GLI3: variants seen among roughly 807,000 people sequenced by gnomAD.
The protein encoded by GLI3 is transcription activator GLI3.
A neutral mutation model predicts 100.8 loss-of-function variants in GLI3; 20 were observed. The ratio of observed to expected loss-of-function variants is 0.20; its 90% CI spans 0.14 to 0.29. The LOEUF (loss-of-function observed/expected upper bound fraction) is 0.29. Among genes scored for constraint, GLI3 ranks in the 10% least tolerant of loss-of-function variants. The probability of loss-of-function intolerance (pLI) is 1.00; values close to 1 mark genes in which losing one functional copy is unlikely to be tolerated. For synonymous variants in GLI3, 938 were observed against 860.5 expected, an observed-to-expected ratio of 1.09 and a Z score of -1.58; for missense variants, 2,040 against 2,128.5, an observed-to-expected ratio of 0.96 and a Z score of 0.82.
chr7:42,206,310 T>A (rs1418692873), intron 2 of GLI3, among the ~76,000 whole-genome samples: 1 of 151,432 alleles, frequency 6.6e-6, no homozygotes, highest in Non-Finnish European at 1.5e-5. Flanking sequence ...TAATAATAAA[T>A]TCTAAAGGGA....
intron 4 of GLI3, among the ~76,000 whole-genome samples, chr7:42,069,409 C>G (rs1281077291): frequency 6.6e-6 from 1 of 152,158 alleles, no homozygotes; most frequent in Non-Finnish European, 1.5e-5. Context: ...GGAATTGAAA[C>G]TCAACCATCT....
At chr7:42,123,987 T>A (rs1000503219) in intron 3 of GLI3, among the ~76,000 whole-genome samples, 1 of 152,226 alleles carries the variant, frequency 6.6e-6, no homozygotes, top group Middle Eastern at 3.2e-3. Flanking sequence ...AGAGTCACCT[T>A]CAGAGGCAAG....
intron 3 of GLI3, among the ~76,000 whole-genome samples, chr7:42,078,842 G>A (rs1252201558): frequency 1.4e-5 from 2 of 147,454 alleles, no homozygotes; most frequent in South Asian, 2.2e-4. Context: ...CCATTCTCCT[G>A]CCTCAGCCTC....
rs372384505 is a variant in GLI3 at position 41,996,895 on chromosome 7, C to T, written c.1498-18147G>A. ...CATCTTGTTCTGATTTGATTTGATG[C>T]ATCTGTATGTGGCAAGTGTGGTAAA... is the stretch of plus-strand genomic sequence containing the variant. On this transcript the variant is annotated intron_variant, in intron 10 of 14. Coordinates refer to ENST00000395925, the MANE Select transcript of GLI3 (RefSeq NM_000168.6). 1.9e-4 allele frequency among the ~76,000 whole-genome samples: 29 copies of T among 152,258 alleles called. No individual in the cohort carries two copies. In the South Asian group the frequency reaches 4.8e-3, roughly 25 times the overall value.
chr7:42,092,997 A>G (rs888607534), intron 3 of GLI3, among the ~76,000 whole-genome samples: 93 of 151,796 alleles, frequency 6.1e-4, no homozygotes, highest in Non-Finnish European at 7.4e-4. Context: ...CATTTTTACC[A>G]GAGACGAGGT....
chr7:42,031,684 T>C (rs1789300479), intron 7 of GLI3, among the ~76,000 whole-genome samples: 1 of 152,138 alleles, frequency 6.6e-6, no homozygotes, highest in Admixed American at 6.5e-5. Context: ...AGGAGAAAAA[T>C]GTGGTTGTTA....
chr7:41,966,485 C>A lies in GLI3; in HGVS notation c.2588G>T (p.Arg863Leu). ...TISSAYLSSRRSSGISPCFSS... is the reference protein window; with the variant it reads ...TISSAYLSSRLSSGISPCFSS... ...GAAGCAGGGCGAGATCCCTGAGGAGCGGCGGCTGCTCAGGTAGGCCGAGCT... is the reference window on the plus strand; with the variant it reads ...GAAGCAGGGCGAGATCCCTGAGGAGAGGCGGCTGCTCAGGTAGGCCGAGCT... The change falls in exon 15 of 15, where the codon CGC becomes CTC. Residue 863 changes from arginine (R) to leucine (L), a missense_variant. Arg to Leu is a moderately radical substitution (Grantham distance 102). Coordinates refer to ENST00000395925, the MANE Select transcript of GLI3 (RefSeq NM_000168.6). This position sits in a 1 kb window ranked among gnomAD's most constrained non-coding sequence, Gnocchi z 5.8. The A allele has an allele frequency of 1.2e-6, 2 of 1,612,820 alleles. No individual in the cohort carries two copies. The highest frequency in any genetic ancestry group is 1.3e-5 in the African/African-American group (1 of 75,028).
chr7:42,121,210 G>A (rs1307417206), intron 3 of GLI3, among the ~76,000 whole-genome samples: 1 of 152,130 alleles, frequency 6.6e-6, no homozygotes, highest in African/African-American at 2.4e-5. Flanking sequence ...TTAACACAAT[G>A]GTCTCAAACT....
rs756174527 is a variant in GLI3, at chr7:42,025,382, T to C, written c.1243-5A>G. ...AGACTCACTCGTGGGCTTGTTCTGC[T>C]GGTCACATTTGCAGAGCCAGAGACA... On this transcript the variant is annotated splice_polypyrimidine_tract_variant and splice_region_variant and intron_variant, in intron 8 of 14. Coordinates refer to ENST00000395925, the MANE Select transcript of GLI3 (RefSeq NM_000168.6). 2 of 1,598,214 alleles carry C rather than the reference T, an allele frequency of 1.3e-6. No individual in the cohort carries two copies. Among genetic ancestry groups the C allele is most frequent in the Non-Finnish European group, 1.7e-6 (2 of 1,165,550 alleles).
chr7:42,085,063 C>G (rs974219124), intron 3 of GLI3, among the ~76,000 whole-genome samples: 3 of 151,812 alleles, frequency 2.0e-5, no homozygotes, highest in Non-Finnish European at 4.4e-5. Context: ...AGGTGCCCAC[C>G]ACCACGCCCG....
At chr7:42,259,907 G>A (rs536106783) in intron 1 of GLI3, among the ~76,000 whole-genome samples, 23 of 152,292 alleles carry the variant, frequency 1.5e-4, no homozygotes, top group Admixed American at 3.3e-4. Context: ...TTGCATTGTT[G>A]TGTATTAAGG....
chr7:42,094,981 T>A (rs148493164), intron 3 of GLI3, among the ~76,000 whole-genome samples: 18 of 152,250 alleles, frequency 1.2e-4, no homozygotes, highest in African/African-American at 4.3e-4. Context: ...AGGGGAAGGA[T>A]GAGGGCCAGA....
chr7:41,981,015 C>T (rs901898527), intron 10 of GLI3, among the ~76,000 whole-genome samples: 3 of 152,128 alleles, frequency 2.0e-5, no homozygotes, highest in African/African-American at 7.2e-5. Flanking sequence ...AATCAGGGTC[C>T]GCTTCTCCAA....
Position 42,116,444 on chromosome 7 carries a change from T to C in GLI3, c.367+31782A>G, listed in dbSNP as rs538097965. On this transcript the variant is annotated intron_variant, in intron 3 of 14. Transcript: ENST00000395925. The stretch of plus-strand genomic sequence containing the variant: ...AAACTAAATAAACTGAAAAGCTTCA[T>C]TAATACCCAGAGGATCAGGTCCAAG... 1.2e-4 allele frequency among the ~76,000 whole-genome samples: 18 copies of C among 150,486 alleles called. No individual in the cohort carries two copies. The South Asian group carries it at 3.8e-3, about 32-fold the overall frequency.
chr7:42,072,793 TTC>T (rs1784809375), intron 4 of GLI3, among the ~76,000 whole-genome samples: 1 of 152,190 alleles, frequency 6.6e-6, no homozygotes, highest in African/African-American at 2.4e-5. Context: ...TAGATTCAGG[TTC>T]TTTCATTAAT....
At chr7:42,261,183 A>G (rs1789135173) in intron 1 of GLI3, among the ~76,000 whole-genome samples, 1 of 143,426 alleles carries the variant, frequency 7.0e-6, no homozygotes, top group Admixed American at 7.1e-5. Context: ...TGACAGCAGG[A>G]ACAAGACACA....
At chr7:42,076,883 A>G (rs774368554) in intron 3 of GLI3, 26 bp from the exon 4 acceptor site, 20 of 1,350,430 alleles carry the variant, frequency 1.5e-5, no homozygotes, top group Admixed American at 3.4e-5. Context: ...AGCCCAATCT[A>G]TATCAAATGA....
At chr7:42,167,097 G>T (rs140877101) in intron 2 of GLI3, among the ~76,000 whole-genome samples, 19 of 152,256 alleles carry the variant, frequency 1.2e-4, no homozygotes, top group Non-Finnish European at 2.8e-4. Flanking sequence ...AAAGTGCTGG[G>T]ATTGCAGACA....
At chr7:42,048,744 T>C (rs1476789284) in intron 4 of GLI3, 48 bp from the exon 5 acceptor site, 6 of 1,180,632 alleles carry the variant, frequency 5.1e-6, no homozygotes, top group Middle Eastern at 1.9e-4. Context: ...GAGACAAATA[T>C]CTCCACAGGC....
Sources: gnomAD v4.1 joint callset for allele counts (sites outside exome capture counted in the v4.1 genomes callset) on GRCh38, gnomAD v4.1.1 for gene constraint, Gnocchi (gnomAD v3.1) non-coding constraint, MANE v1.5 for transcripts, NCBI Gene and HGNC (gene_info 2026-07-23, HGNC 2026-07-21) for gene names.